RTCA: variants seen among roughly 807,000 people sequenced by gnomAD.
RTCA encodes RNA terminal phosphate cyclase domain 1.
RTCA carries 37 observed loss-of-function variants against 46.1 expected under a neutral mutation model. That is an observed-to-expected ratio of 0.80 (90% confidence interval 0.62 to 1.06). The LOEUF (loss-of-function observed/expected upper bound fraction) is 1.06. Ranked by LOEUF, RTCA falls within the 50% of genes least tolerant of loss-of-function variation. The pLI is 0.00. For synonymous variants in RTCA, 164 were observed against 158.3 expected (o/e 1.04, Z -0.27); for missense variants, 435 against 455.5 (o/e 0.95, Z 0.41).
chr1:100,287,069 T>A, intron 9 of RTCA, 30 bp from the exon 10 acceptor site: 1 of 1,420,636 alleles, frequency 7.0e-7, no homozygotes, highest in Non-Finnish European at 9.5e-7. Flanking sequence ...AATAAATGTG[T>A]GAGGTTTTTC....
At chr1:100,285,846 C>G (rs1471940269) in intron 9 of RTCA, among the ~76,000 whole-genome samples, 1 of 152,218 alleles carries the variant, frequency 6.6e-6, no homozygotes, top group East Asian at 1.9e-4. Context: ...GTTGACCAGG[C>G]TAATCCTAAA....
chr1:100,290,039 G>T (rs1667265525), intron 10 of RTCA, among the ~76,000 whole-genome samples: 1 of 152,072 alleles, frequency 6.6e-6, no homozygotes, highest in South Asian at 2.1e-4. Flanking sequence ...AATTAATATG[G>T]TTACCTAGCT....
chr1:100,273,477 T>G (rs1284488183), intron 5 of RTCA, 25 bp downstream of exon 5: 1 of 1,443,790 alleles, frequency 6.9e-7, no homozygotes, highest in Non-Finnish European at 9.6e-7. Flanking sequence ...TCTTAAATGT[T>G]AGGATCTATT....
In RTCA at chr1:100,266,550, G is replaced by C. The variant is rs756941088; in HGVS notation, c.72G>C (p.Thr24=). 1.9e-6 allele frequency: 3 copies of C among 1,613,730 alleles called. No homozygotes were observed. The Admixed American group carries it at 5.0e-5, about 27-fold the overall frequency. ...EGGGQILRVS[T]ALSCLLGLPL... ...GCGGCCAGATCCTGAGAGTCTCTAC[G>C]GCCTTGAGCTGTCTCCTAGGCCTCC... The change falls in exon 2 of 11, where the codon ACG becomes ACC. Residue 24 remains threonine (T), a synonymous_variant. Transcript: ENST00000370128.
In RTCA at chr1:100,274,136, A is replaced by G. The variant is rs1666246287; in HGVS notation, c.473+684A>G. ...AACTTATAATTCTTTATGAACTGTG[A>G]TTGTGCCTCAATCAGAATTCATATT... is the stretch of plus-strand genomic sequence containing the variant. On this transcript the variant is annotated intron_variant, in intron 5 of 10. Coordinates refer to ENST00000370128, the MANE Select transcript of RTCA (RefSeq NM_003729.4). Among the ~76,000 whole-genome samples the G allele has an allele frequency of 1.3e-5, 2 of 151,714 alleles. 1 individual carries two copies. Among genetic ancestry groups the G allele is most frequent in the Non-Finnish European group, 2.9e-5 (2 of 67,946 alleles).
At chr1:100,268,383 G>T in intron 3 of RTCA, 88 bp downstream of exon 3, 1 of 1,070,754 alleles carries the variant, frequency 9.3e-7, no homozygotes, top group South Asian at 1.6e-5. Context: ...ATGTCTATGA[G>T]CTTGTTTCCC....
chr1:100,275,029 T>C, intron 6 of RTCA, 64 bp downstream of exon 6: 2 of 1,435,484 alleles, frequency 1.4e-6, no homozygotes, highest in Non-Finnish European at 1.9e-6. Context: ...TTATGTCAAC[T>C]AAATTTTGAA....
At position 100,266,331 on chromosome 1, in the gene RTCA, T is replaced by C. The variant is rs2100784368; in HGVS notation, c.-45T>C. 1 of 1,597,872 alleles carries C rather than the reference T, an allele frequency of 6.3e-7. No individual in the cohort carries two copies. The highest frequency in any genetic ancestry group is 8.5e-7 in the Non-Finnish European group (1 of 1,175,840). ...CCAACGTCTCTTCTTTCTCCCGCTC[T>C]GGCGGAGGCTTTGTCGCTGCGGGCT... On this transcript the variant is annotated 5_prime_UTR_variant, in exon 1 of 11. Coordinates refer to ENST00000370128, the MANE Select transcript of RTCA (RefSeq NM_003729.4).
intron 6 of RTCA, among the ~76,000 whole-genome samples, 172 bp from the exon 7 acceptor site, chr1:100,275,427 T>C (rs577553338): frequency 6.6e-6 from 1 of 152,320 alleles, no homozygotes; most frequent in African/African-American, 2.4e-5. Flanking sequence ...TTAACAAAAA[T>C]AAAATTAATT....
intron 3 of RTCA, among the ~76,000 whole-genome samples, chr1:100,269,049 A>ATG (rs140728477): frequency 0.033 from 4,919 of 149,792 alleles, 293 homozygotes; most frequent in African/African-American, 0.12. Flanking sequence ...ATTTATATAT[A>ATG]TAAATAAAAA....
rs1667072237 is a variant in RTCA, at chr1:100,287,094, A to T, written c.895-5A>T. 6.5e-7 allele frequency: 1 copy of T among 1,538,342 alleles called. No individual in the cohort carries two copies. The highest frequency in any genetic ancestry group is 8.7e-7 in the Non-Finnish European group (1 of 1,147,124). On this transcript the variant is annotated splice_region_variant and splice_polypyrimidine_tract_variant and intron_variant, in intron 9 of 10. Coordinates refer to ENST00000370128, the MANE Select transcript of RTCA (RefSeq NM_003729.4). ...TGAGGTTTTTCTTTGTTCTTTTTTA[A>T]ATAGCTGATTGTTTTCATGGCATTA...
rs1367778044 is a variant in RTCA, at chr1:100,268,298, A to G, written c.290+3A>G. On this transcript the variant is annotated splice_donor_region_variant and intron_variant, in intron 3 of 10. Coordinates refer to ENST00000370128, the MANE Select transcript of RTCA (RefSeq NM_003729.4). ...ACAGCAGATACCAAGACAGCAGGGTATGTATCACTTAACATTCCATTTAAG... is the reference window on the plus strand; with the variant it reads ...ACAGCAGATACCAAGACAGCAGGGTGTGTATCACTTAACATTCCATTTAAG... 3 of 1,603,478 alleles carry G rather than the reference A, an allele frequency of 1.9e-6. No homozygotes were observed. The highest frequency in any genetic ancestry group is 2.6e-6 in the Non-Finnish European group (3 of 1,173,802).
intron 6 of RTCA, 44 bp from the exon 7 acceptor site, chr1:100,275,555 A>T (rs749943073): frequency 4.7e-6 from 7 of 1,488,100 alleles, no homozygotes; most frequent in East Asian, 4.8e-5. Flanking sequence ...TTTTCCAAAT[A>T]ATCAGTAATT....
At chr1:100,287,842 G>A (rs910406915) in intron 10 of RTCA, among the ~76,000 whole-genome samples, 1 of 149,780 alleles carries the variant, frequency 6.7e-6, no homozygotes, top group Non-Finnish European at 1.5e-5. Flanking sequence ...TGCCCAGGCT[G>A]GAGTGCAATG....
chr1:100,266,218 T>C lies in RTCA; in HGVS notation c.-158T>C, dbSNP rs1035808589. 1.2e-6 allele frequency: 1 copy of C among 810,114 alleles called. No individual in the cohort carries two copies. The allele number at this position is 810,114 out of a possible 1,614,324, so 50.2% of individuals were successfully genotyped here. ...GGGGGTTCGTTTCTGCTGACTCCAG[T>C]GTCCCGAGAGGCGCCGCTTCTTCCG... On this transcript the variant is annotated 5_prime_UTR_variant, in exon 1 of 11. Transcript: ENST00000370128.
chr1:100,276,048 G>A (rs1205164930), intron 7 of RTCA, among the ~76,000 whole-genome samples: 2 of 151,806 alleles, frequency 1.3e-5, no homozygotes. Context: ...TGTTAGCCAG[G>A]GTGGTCTTGA....
At chr1:100,267,979 C>A in intron 2 of RTCA, 173 bp from the exon 3 acceptor site, 1 of 724,166 alleles carries the variant, frequency 1.4e-6, no homozygotes, top group South Asian at 2.0e-5. Context: ...TACATACTAG[C>A]AGGTAGTCTA....
intron 3 of RTCA, among the ~76,000 whole-genome samples, chr1:100,269,343 T>G (rs1665954336): frequency 6.7e-6 from 1 of 150,328 alleles, no homozygotes; most frequent in Non-Finnish European, 1.5e-5. Context: ...ACTTCCCATG[T>G]GAAATATTTA....
chr1:100,287,351 C>G lies in RTCA; in HGVS notation c.999+148C>G. ...GCACTGAGCTAATTTAGCAATTTATCTAAACTGTCTACTCAGCATAACTAT... is the reference window on the plus strand; with the variant it reads ...GCACTGAGCTAATTTAGCAATTTATGTAAACTGTCTACTCAGCATAACTAT... On this transcript the variant is annotated intron_variant, in intron 10 of 10. Coordinates refer to ENST00000370128, the MANE Select transcript of RTCA (RefSeq NM_003729.4). The G allele has an allele frequency of 3.9e-6, 2 of 508,354 alleles. 1 individual carries two copies. The highest frequency in any genetic ancestry group is 6.8e-5 in the South Asian group (2 of 29,422). The allele number at this position is 508,354 out of a possible 1,614,324, so 31.5% of individuals were successfully genotyped here. A position where few individuals can be genotyped will look rare whatever the true frequency, so the allele number is the denominator to read the frequency against.
Sources: allele counts gnomAD v4.1 joint callset (sites outside exome capture counted in the v4.1 genomes callset), GRCh38; gene constraint gnomAD v4.1.1; transcripts MANE v1.5; gene names NCBI Gene and HGNC (gene_info 2026-07-23, HGNC 2026-07-21).